Variants in CR1L observed in about 807,000 individuals in gnomAD.
CR1L encodes complement component receptor 1-like protein.
CR1L carries 59 observed loss-of-function variants against 62.3 expected under a neutral mutation model. The observed-to-expected ratio is 0.95, with a 90% CI of 0.77 to 1.18. The LOEUF (loss-of-function observed/expected upper bound fraction) is 1.18, where lower values mean the gene tolerates loss of function less well. CR1L is among the 50% of genes most tolerant of loss of function. The probability of loss-of-function intolerance (pLI) is 0.00; values close to 1 mark genes in which losing one functional copy is unlikely to be tolerated. For synonymous variants in CR1L, 279 were observed against 248.7 expected (o/e 1.12, Z -1.15); for missense variants, 700 against 702.8 (o/e 1.00, Z 0.04).
intron 1 of CR1L, among the ~76,000 whole-genome samples, chr1:207,659,329 G>T (rs1663370381): frequency 6.6e-6 from 1 of 152,204 alleles, no homozygotes; most frequent in Non-Finnish European, 1.5e-5. Flanking sequence ...CTCAGCAGGA[G>T]CTAGGGCTCT....
intron 4 of CR1L, among the ~76,000 whole-genome samples, chr1:207,693,533 A>C (rs1301333581): frequency 6.6e-6 from 1 of 152,246 alleles, no homozygotes; most frequent in African/African-American, 2.4e-5. Context: ...TCACTTAAAC[A>C]TGCTAGGCTT....
chr1:207,645,464 G>T (rs1663105533), intron 1 of CR1L, 134 bp downstream of exon 1: 3 of 981,284 alleles, frequency 3.1e-6, no homozygotes, highest in Non-Finnish European at 3.1e-6. Flanking sequence ...AGGGTTCTCC[G>T]AGGGGTGCCG....
chr1:207,674,523 G>C (rs1182692277), intron 1 of CR1L, among the ~76,000 whole-genome samples: 6 of 152,032 alleles, frequency 3.9e-5, no homozygotes, highest in Non-Finnish European at 8.8e-5. Flanking sequence ...TCCTTTTTTG[G>C]GCTACTACGC....
chr1:207,718,871 A>G (rs1192223014), intron 11 of CR1L, among the ~76,000 whole-genome samples: 1 of 150,878 alleles, frequency 6.6e-6, no homozygotes, highest in Non-Finnish European at 1.5e-5. Flanking sequence ...ATGTCCAACA[A>G]TGATAGACTG....
chr1:207,657,182 G>C, intron 1 of CR1L: 1 of 1,026,420 alleles, frequency 9.7e-7, no homozygotes, highest in South Asian at 1.3e-5. Context: ...TAGTGAAGTA[G>C]AAGTATTTGA....
At chr1:207,683,525 A>G (rs971946335) in intron 3 of CR1L, among the ~76,000 whole-genome samples, 1 of 152,216 alleles carries the variant, frequency 6.6e-6, no homozygotes, top group Admixed American at 6.5e-5. Flanking sequence ...ACAGGACTAC[A>G]TACACACATA....
intron 1 of CR1L, chr1:207,653,186 G>A (rs762761469): frequency 3.6e-4 from 58 of 160,520 alleles, no homozygotes; most frequent in Non-Finnish European, 6.9e-4. Flanking sequence ...TGAGGGGTAA[G>A]TAAGTTCCTC....
chr1:207,675,242 G>T lies in CR1L; in HGVS notation c.98-2147G>T, dbSNP rs558111206. Among the ~76,000 whole-genome samples, 5 of 151,190 alleles carry T rather than the reference G, an allele frequency of 3.3e-5. No homozygotes were observed. The South Asian group carries it at 1.1e-3, about 32-fold the overall frequency. ...TGCAACCACAAACAATTATTGATAT[G>T]AAAGGAAAAGGAAAGGGCCTGACTA... On this transcript the variant is annotated intron_variant, in intron 1 of 11. Transcript: ENST00000508064.
intron 4 of CR1L, among the ~76,000 whole-genome samples, chr1:207,685,024 T>C (rs1214030491): frequency 6.6e-6 from 1 of 152,154 alleles, no homozygotes; most frequent in Non-Finnish European, 1.5e-5. Flanking sequence ...GTAAAACAAA[T>C]TGGGAAACCT....
chr1:207,691,960 G>T (rs1259984186), intron 4 of CR1L, among the ~76,000 whole-genome samples: 3 of 152,280 alleles, frequency 2.0e-5, no homozygotes, highest in Admixed American at 6.5e-5. Context: ...AGGATTTACG[G>T]ACAGAAAAAG....
intron 1 of CR1L, among the ~76,000 whole-genome samples, chr1:207,675,778 A>G (rs1198603223): frequency 6.6e-6 from 1 of 152,246 alleles, no homozygotes; most frequent in African/African-American, 2.4e-5. Flanking sequence ...TTGATTACAT[A>G]CTGTTTGACT....
chr1:207,715,660 TAGTC>T (rs368341951), intron 10 of CR1L, among the ~76,000 whole-genome samples: 449 of 152,318 alleles, frequency 2.9e-3, no homozygotes, highest in Non-Finnish European at 5.2e-3. Flanking sequence ...CAGCACATTT[TAGTC>T]AGTCATTTAT....
chr1:207,697,486 T>C lies in CR1L; in HGVS notation c.863-17T>C, dbSNP rs776214978. The C allele has an allele frequency of 9.3e-6, 15 of 1,613,796 alleles. No individual in the cohort carries two copies. In the South Asian group the frequency reaches 1.5e-4, roughly 17 times the overall value. ...TATTTTCACACAATTAGCAGTACTT[T>C]GTTTCTCTCTCCCCAGTATGTCAGC... On this transcript the variant is annotated splice_polypyrimidine_tract_variant and intron_variant, in intron 5 of 11. Transcript: ENST00000508064.
intron 1 of CR1L, among the ~76,000 whole-genome samples, chr1:207,674,036 A>G (rs1446268951): frequency 1.3e-5 from 2 of 152,260 alleles, no homozygotes; most frequent in Non-Finnish European, 2.9e-5. Context: ...AACTCTAATT[A>G]TGCTGTGTGA....
intron 1 of CR1L, among the ~76,000 whole-genome samples, chr1:207,647,020 T>C (rs1378975338): frequency 7.8e-6 from 1 of 127,594 alleles, no homozygotes; most frequent in Non-Finnish European, 1.8e-5. Context: ...TTACTATTTG[T>C]TTACACACAC....
At chr1:207,689,038 C>A (rs1384411744) in intron 4 of CR1L, among the ~76,000 whole-genome samples, 1 of 152,020 alleles carries the variant, frequency 6.6e-6, no homozygotes, top group African/African-American at 2.4e-5. Flanking sequence ...TTGGCTAGAA[C>A]CTCCAGTACA....
intron 3 of CR1L, among the ~76,000 whole-genome samples, chr1:207,679,332 C>A (rs1245996217): frequency 6.6e-6 from 1 of 151,836 alleles, no homozygotes; most frequent in Non-Finnish European, 1.5e-5. Flanking sequence ...ATAAGGACAC[C>A]AGTCATATTG....
intron 9 of CR1L, among the ~76,000 whole-genome samples, chr1:207,707,698 G>A (rs1356754735): frequency 6.6e-6 from 1 of 151,484 alleles, no homozygotes; most frequent in African/African-American, 2.4e-5. Context: ...TAAACTTCTT[G>A]TCAAAAAACC....
Position 207,702,604 on chromosome 1 carries a change from A to C in CR1L, c.1328+986A>C, listed in dbSNP as rs12074969. Reference sequence around the variant, plus strand: ...GTACTTGAAGGAAACTTAAAGTGCTATTCCAGTGAACACATGAATGATAAG... The same window carrying C: ...GTACTTGAAGGAAACTTAAAGTGCTCTTCCAGTGAACACATGAATGATAAG... On this transcript the variant is annotated intron_variant, in intron 9 of 11. Transcript: ENST00000508064. Among the ~76,000 whole-genome samples, 1,063 of 152,370 alleles carry C rather than the reference A, an allele frequency of 7.0e-3. 10 individuals are homozygous for C. The highest frequency in any genetic ancestry group is 0.024 in the African/African-American group (991 of 41,588).
Sources: allele counts gnomAD v4.1 joint callset (sites outside exome capture counted in the v4.1 genomes callset), GRCh38; gene constraint gnomAD v4.1.1; transcripts MANE v1.5; gene names NCBI Gene and HGNC (gene_info 2026-07-23, HGNC 2026-07-21).